The following PCDH7 variants were observed in gnomAD, a reference collection of about 807,000 sequenced individuals.
PCDH7 encodes the protein protocadherin-7.
PCDH7 carries 17 observed loss-of-function variants against 58.9 expected under a neutral mutation model. The observed-to-expected ratio is 0.29, with a 90% CI of 0.20 to 0.43. The LOEUF (loss-of-function observed/expected upper bound fraction) is 0.43, where lower values mean the gene tolerates loss of function less well. Ranked by LOEUF, PCDH7 falls within the 20% of genes least tolerant of loss-of-function variation. PCDH7 has a pLI of 1.00. For missense variants in PCDH7, 1,274 were observed against 1,441.0 expected (o/e 0.88, Z 1.88); for synonymous variants, 664 against 616.4 (o/e 1.08, Z -1.14).
intron 1 of PCDH7, among the ~76,000 whole-genome samples, chr4:30,893,185 C>A (rs1738842620): frequency 6.6e-6 from 1 of 152,056 alleles, no homozygotes; most frequent in African/African-American, 2.4e-5. Context: ...GCATCAAAAA[C>A]AAATTAGCTA....
intron 3 of PCDH7, among the ~76,000 whole-genome samples, chr4:31,121,651 T>A (rs1262855708): frequency 6.6e-6 from 1 of 152,130 alleles, no homozygotes; most frequent in Admixed American, 6.6e-5. Flanking sequence ...AGATAAGCAC[T>A]CCCAATGTCC....
chr4:30,999,206 G>A (rs1473440777), intron 3 of PCDH7, among the ~76,000 whole-genome samples: 1 of 152,124 alleles, frequency 6.6e-6, no homozygotes, highest in Non-Finnish European at 1.5e-5. Flanking sequence ...ACTACTTAGA[G>A]ACCCAGGTGT....
chr4:30,801,912 C>T (rs1725571075), intron 1 of PCDH7, among the ~76,000 whole-genome samples: 1 of 152,112 alleles, frequency 6.6e-6, no homozygotes, highest in Admixed American at 6.5e-5. Flanking sequence ...GAGAATGCTG[C>T]TGAAATGTCC....
chr4:31,104,178 G>A (rs754736137), intron 3 of PCDH7, among the ~76,000 whole-genome samples: 9 of 152,148 alleles, frequency 5.9e-5, no homozygotes, highest in Non-Finnish European at 8.8e-5. Context: ...AGTATACTGT[G>A]AGCTCTTGCA....
chr4:30,756,631 C>G (rs1577676828), intron 1 of PCDH7, among the ~76,000 whole-genome samples: 1 of 152,264 alleles, frequency 6.6e-6, no homozygotes, highest in African/African-American at 2.4e-5. Context: ...AATGCTCAGG[C>G]TGTTTGTTAT....
chr4:30,868,573 T>C (rs1450006980), intron 1 of PCDH7, among the ~76,000 whole-genome samples: 1 of 152,080 alleles, frequency 6.6e-6, no homozygotes, highest in African/African-American at 2.4e-5. Flanking sequence ...TTCTTTTTTT[T>C]CTACTTTGTA....
At chr4:31,000,150 C>T (rs1304769755) in intron 3 of PCDH7, among the ~76,000 whole-genome samples, 2 of 152,034 alleles carry the variant, frequency 1.3e-5, no homozygotes, top group African/African-American at 4.8e-5. Context: ...TTCATGGTCC[C>T]ATCTGGAATA....
intron 1 of PCDH7, among the ~76,000 whole-genome samples, chr4:30,839,443 A>G (rs1020696007): frequency 6.6e-6 from 1 of 152,160 alleles, no homozygotes; most frequent in East Asian, 1.9e-4. Context: ...CATGGAAATA[A>G]TAAGTGGCAG....
rs1029125781 is a variant in PCDH7, at chr4:30,727,138, G to C, written c.3174+2542G>C. ...GTATTCTTTCAATTCCATACAGCAG[G>C]GTCTAATTTAAAAATTGAGATTTCA... On this transcript the variant is annotated intron_variant, in intron 1 of 1. Coordinates refer to ENST00000361762, the Ensembl canonical transcript of PCDH7. Among the ~76,000 whole-genome samples, 2 of 151,220 alleles carry C rather than the reference G, an allele frequency of 1.3e-5. 1 individual carries two copies. Among genetic ancestry groups the C allele is most frequent in the Non-Finnish European group, 3.0e-5 (2 of 67,594 alleles).
intron 1 of PCDH7, among the ~76,000 whole-genome samples, chr4:30,891,780 T>A (rs79487057): frequency 2.0e-5 from 3 of 151,082 alleles, no homozygotes; most frequent in African/African-American, 2.4e-5. Context: ...TTTGTTTTTT[T>A]TTTTTCTCTG....
intron 3 of PCDH7, among the ~76,000 whole-genome samples, chr4:31,009,132 T>A (rs1289288302): frequency 6.6e-6 from 1 of 152,136 alleles, no homozygotes; most frequent in Non-Finnish European, 1.5e-5. Flanking sequence ...GTAATTAAAA[T>A]GTAAAATAAT....
chr4:30,901,102 C>T lies in PCDH7; in HGVS notation c.71-19051C>T, dbSNP rs549426622. Reference sequence around the variant, plus strand: ...TACAAATTACTTTTACTAGAATGTACGATAGCTTTAAAAAACAACACCCAG... The same window carrying T: ...TACAAATTACTTTTACTAGAATGTATGATAGCTTTAAAAAACAACACCCAG... On this transcript the variant is annotated intron_variant, in intron 1 of 3. Coordinates refer to the PCDH7 transcript ENST00000509759. 6.1e-4 allele frequency among the ~76,000 whole-genome samples: 93 copies of T among 152,098 alleles called. 3 individuals are homozygous for T. In the South Asian group the frequency reaches 0.018, roughly 29 times the overall value.
chr4:31,013,449 ATATAT>A (rs1250174070), intron 3 of PCDH7, among the ~76,000 whole-genome samples: 3 of 150,396 alleles, frequency 2.0e-5, no homozygotes, highest in Non-Finnish European at 4.4e-5. Flanking sequence ...ATATATCTTC[ATATAT>A]TATATATAAT....
intron 3 of PCDH7, among the ~76,000 whole-genome samples, chr4:30,951,325 A>T (rs114045921): frequency 6.6e-6 from 1 of 152,282 alleles, no homozygotes; most frequent in African/African-American, 2.4e-5. Context: ...AATACGGGAG[A>T]AATTGAAAAG....
At chr4:30,851,974 C>A (rs954300946) in intron 1 of PCDH7, among the ~76,000 whole-genome samples, 4 of 151,870 alleles carry the variant, frequency 2.6e-5, no homozygotes, top group African/African-American at 9.7e-5. Context: ...TCAAAGATAA[C>A]GCTAGCTATA....
At chr4:30,766,408 C>A (rs1720755045) in intron 1 of PCDH7, among the ~76,000 whole-genome samples, 1 of 152,002 alleles carries the variant, frequency 6.6e-6, no homozygotes. Context: ...ATTCAAATTT[C>A]TATTACTATT....
At chr4:30,903,853 T>A (rs1254580562) in intron 1 of PCDH7, among the ~76,000 whole-genome samples, 1 of 152,096 alleles carries the variant, frequency 6.6e-6, no homozygotes, top group Non-Finnish European at 1.5e-5. Context: ...GTTTTTGGTG[T>A]TTTTTTGTAT....
Position 30,894,463 on chromosome 4 carries a change from G to GAAAAAA in PCDH7, c.71-25667_71-25662dup, listed in dbSNP as rs750545292. Among the ~76,000 whole-genome samples, 11 of 13,038 alleles carry GAAAAAA rather than the reference G, an allele frequency of 8.4e-4. 1 individual carries two copies. Among genetic ancestry groups the GAAAAAA allele is most frequent in the Non-Finnish European group, 1.3e-3 (10 of 7,888 alleles). The allele number at this position is 13,038 out of a possible 152,430, so 8.6% of individuals were successfully genotyped here. ...TGGTCTGGAGACCAGTTTCATTCAG[G>GAAAAAA]AAAAAAAAAAAAAAAAAAAAAAAAA... On this transcript the variant is annotated intron_variant, in intron 1 of 3. Coordinates refer to the PCDH7 transcript ENST00000509759.
At chr4:31,039,475 C>T (rs186309650) in intron 3 of PCDH7, among the ~76,000 whole-genome samples, 31 of 152,226 alleles carry the variant, frequency 2.0e-4, no homozygotes, top group East Asian at 5.8e-4. Context: ...TGGTGCTCTA[C>T]GGCCTTGAAT....
Sources: gnomAD v4.1 joint callset for allele counts (sites outside exome capture counted in the v4.1 genomes callset) on GRCh38, gnomAD v4.1.1 for gene constraint, MANE v1.5 for transcripts, NCBI Gene and HGNC (gene_info 2026-07-23, HGNC 2026-07-21) for gene names.